Variants in USP43 observed in about 807,000 individuals in gnomAD.
USP43 encodes ubiquitin carboxyl-terminal hydrolase 43.
Under a neutral mutation model 90.7 loss-of-function variants are expected in USP43, and 33 were observed. That is an observed-to-expected ratio of 0.36 (90% CI 0.28 to 0.49). The LOEUF is 0.49. Ranked by LOEUF, USP43 falls within the 20% of genes least tolerant of loss-of-function variation. The pLI, the probability that USP43 is intolerant of heterozygous loss-of-function variation, is 0.98. For missense variants in USP43, 1,274 were observed against 1,476.4 expected (o/e 0.86, Z 2.25); for synonymous variants, 598 against 615.8 (o/e 0.97, Z 0.43).
chr17:9,646,064 C>T lies in USP43; in HGVS notation c.432C>T (p.Thr144=), dbSNP rs115314145. 0.012 allele frequency: 17,949 copies of T among 1,507,500 alleles called. 387 individuals are homozygous for T. The highest frequency in any genetic ancestry group is 0.078 in the African/African-American group (5,336 of 68,398). The allele number at this position is 1,507,500 out of a possible 1,614,324, so 93.4% of individuals were successfully genotyped here. A position where few individuals can be genotyped will look rare whatever the true frequency, so the allele number is the denominator to read the frequency against. The change falls in exon 1 of 15, where the codon ACC becomes ACT. Residue 144 remains threonine, a synonymous_variant. Transcript: ENST00000285199. ...YRAAPGRAEV[T]EQLAALVRAL... ...CGGCTCCGGGCCGCGCCGAGGTCACCGAGCAGCTGGCGGCGCTGGTGCGCG... is the reference window on the plus strand; with the variant it reads ...CGGCTCCGGGCCGCGCCGAGGTCACTGAGCAGCTGGCGGCGCTGGTGCGCG...
intron 14 of USP43, among the ~76,000 whole-genome samples, chr17:9,721,774 A>G (rs1597897256): frequency 7.9e-6 from 1 of 127,258 alleles, no homozygotes; most frequent in African/African-American, 3.1e-5. Context: ...CCCAGGCTGG[A>G]GTGCAATGGT....
chr17:9,727,172 A>G (rs1166304030), intron 14 of USP43, among the ~76,000 whole-genome samples: 3 of 152,118 alleles, frequency 2.0e-5, no homozygotes, highest in African/African-American at 7.2e-5. Context: ...GGGTTTCACC[A>G]TGTTGGTCAG....
intron 8 of USP43, among the ~76,000 whole-genome samples, chr17:9,691,735 A>T (rs1914965672): frequency 6.6e-6 from 1 of 151,624 alleles, no homozygotes. Flanking sequence ...ATTCTTGCCA[A>T]TGCTTGTTAT....
intron 1 of USP43, among the ~76,000 whole-genome samples, chr17:9,649,201 G>A (rs554858997): frequency 6.6e-6 from 1 of 152,080 alleles, no homozygotes; most frequent in African/African-American, 2.4e-5. Context: ...CAGCTACTCA[G>A]GAGGCTGAGA....
At chr17:9,670,039 C>CTTTTTTTTTT (rs148536442) in intron 3 of USP43, among the ~76,000 whole-genome samples, 148 of 131,514 alleles carry the variant, frequency 1.1e-3, no homozygotes, top group African/African-American at 4.0e-3. Context: ...GAGGTGACTG[C>CTTTTTTTTTT]TTTTTTTTTT....
At position 9,656,450 on chromosome 17, in the gene USP43, C is replaced by A; in HGVS notation, c.552C>A (p.His184Gln). ...CTCAGTTCCAAGGCAATTCCCAGCA[C>A]GACGCCCTGGAATTCCTGCTCTGGT... is the stretch of plus-strand genomic sequence containing the variant. ...YGSQFQGNSQ[H>Q]DALEFLLWLL... Residue 184 changes from histidine (H) to glutamine (Q), a missense_variant, in exon 2 of 15, where the codon CAC becomes CAA. Physicochemically the swap from His to Gln is conservative, Grantham distance 24. Transcript: ENST00000285199. The A allele has an allele frequency of 1.2e-6, 2 of 1,610,526 alleles. No individual in the cohort carries two copies. The highest frequency in any genetic ancestry group is 2.7e-5 in the African/African-American group (2 of 75,008).
At chr17:9,652,234 A>AAAAAAAAAAAAAAAAAAAAAAAAAAAG (rs61023073) in intron 1 of USP43, among the ~76,000 whole-genome samples, 1 of 149,682 alleles carries the variant, frequency 6.7e-6, no homozygotes, top group African/African-American at 2.5e-5. Flanking sequence ...AAAAAAGAAA[A>AAAAAAAAAAAAAAAAAAAAAAAAAAAG]GAAAAGAAAG....
intron 2 of USP43, among the ~76,000 whole-genome samples, chr17:9,659,733 C>G (rs758577742): frequency 1.3e-5 from 2 of 152,002 alleles, no homozygotes; most frequent in African/African-American, 2.4e-5. Flanking sequence ...AGAAGATCCC[C>G]GAGAGGTTAA....
chr17:9,681,423 ATATC>A (rs1291966574), intron 6 of USP43, among the ~76,000 whole-genome samples: 5 of 116,502 alleles, frequency 4.3e-5, no homozygotes, highest in Admixed American at 2.2e-4. Flanking sequence ...ATATAGCTAA[ATATC>A]TATATTATAT....
At chr17:9,690,899 T>A (rs1235345285) in intron 8 of USP43, among the ~76,000 whole-genome samples, 1 of 152,010 alleles carries the variant, frequency 6.6e-6, no homozygotes, top group Non-Finnish European at 1.5e-5. Flanking sequence ...ACAAACAAAC[T>A]ATACCTATTA....
chr17:9,718,333 G>A (rs1287351114), intron 14 of USP43, among the ~76,000 whole-genome samples: 8 of 152,082 alleles, frequency 5.3e-5, no homozygotes, highest in African/African-American at 1.9e-4. Flanking sequence ...CCAGACTCTG[G>A]TTACATATTT....
chr17:9,657,638 G>A (rs116247061), intron 2 of USP43, among the ~76,000 whole-genome samples: 3,072 of 152,240 alleles, frequency 0.02, 81 homozygotes, highest in African/African-American at 0.06. Context: ...GGAGAAGTAC[G>A]TACCTCCTTC....
In USP43 at chr17:9,701,657, C is replaced by T. The variant is rs756919952; in HGVS notation, c.1968C>T (p.Ala656=). 43 of 1,585,418 alleles carry T rather than the reference C, an allele frequency of 2.7e-5. No individual in the cohort carries two copies. Among genetic ancestry groups the T allele is most frequent in the African/African-American group, 1.1e-4 (8 of 74,536 alleles). ...TGGACTTCCTGTACGACCTGTATGCCGTCTGCAACCACCATGGCAACCTGC... is the reference window on the plus strand; with the variant it reads ...TGGACTTCCTGTACGACCTGTATGCTGTCTGCAACCACCATGGCAACCTGC... ...YPLDFLYDLY[A]VCNHHGNLQG... The change falls in exon 12 of 15, where the codon GCC becomes GCT. Residue 656 remains alanine (A), a synonymous_variant. Transcript: ENST00000285199. This position sits in a 1 kb window ranked among gnomAD's most constrained non-coding sequence, Gnocchi z 7.2.
chr17:9,689,386 GA>G (rs1174329043), intron 8 of USP43, among the ~76,000 whole-genome samples: 1 of 149,514 alleles, frequency 6.7e-6, no homozygotes, highest in African/African-American at 2.5e-5. Flanking sequence ...CATGTATTAT[GA>G]AAAAAATAAA....
chr17:9,700,284 A>C (rs1394358166), intron 10 of USP43, 35 bp downstream of exon 10: 1 of 1,561,966 alleles, frequency 6.4e-7, no homozygotes, highest in East Asian at 2.4e-5. Context: ...TGCAGAGCTG[A>C]GACAGGGCCT....
chr17:9,647,091 G>T (rs537339159), intron 1 of USP43: 2 of 136,720 alleles, frequency 1.5e-5, no homozygotes. Context: ...AGAAAAAAAA[G>T]AAAAAAAAAG....
chr17:9,720,321 C>CAAAAAAAAAAAA (rs980644442), intron 14 of USP43, among the ~76,000 whole-genome samples: 1 of 43,732 alleles, frequency 2.3e-5, no homozygotes, highest in African/African-American at 7.2e-5. Context: ...GACTCCATCT[C>CAAAAAAAAAAAA]AAAAAAAAAA....
intron 12 of USP43, among the ~76,000 whole-genome samples, chr17:9,705,353 A>G (rs1303338523): frequency 6.6e-6 from 1 of 150,626 alleles, no homozygotes; most frequent in African/African-American, 2.4e-5. Flanking sequence ...TCATTTCTAG[A>G]CAGCTTCTCC....
At chr17:9,676,985 G>T in intron 5 of USP43, 104 bp downstream of exon 5, 1 of 1,428,668 alleles carries the variant, frequency 7.0e-7, no homozygotes, top group Non-Finnish European at 9.4e-7. Flanking sequence ...GGTGACTCCA[G>T]TATGACTCAT....
Sources: allele counts gnomAD v4.1 joint callset (sites outside exome capture counted in the v4.1 genomes callset), GRCh38; gene constraint gnomAD v4.1.1; non-coding constraint Gnocchi (gnomAD v3.1); transcripts MANE v1.5; gene names NCBI Gene and HGNC (gene_info 2026-07-23, HGNC 2026-07-21).